The following HCRTR2 variants were observed in gnomAD, a reference collection of about 807,000 sequenced individuals.
HCRTR2 encodes orexin receptor type 2.
A neutral mutation model predicts 49.0 loss-of-function variants in HCRTR2; 22 were observed. The observed-to-expected ratio is 0.45, with a 90% CI of 0.32 to 0.64. The LOEUF is 0.64. Ranked by LOEUF, HCRTR2 falls within the 30% of genes least tolerant of loss-of-function variation. The probability of loss-of-function intolerance (pLI) is 0.04; values close to 1 mark genes in which losing one functional copy is unlikely to be tolerated. For synonymous variants in HCRTR2, 236 were observed against 205.3 expected (o/e 1.15, Z -1.28); for missense variants, 491 against 559.4 (o/e 0.88, Z 1.23).
chr6:55,195,594 A>AAC (rs1765394739), intron 1 of HCRTR2, among the ~76,000 whole-genome samples: 2 of 152,212 alleles, frequency 1.3e-5, no homozygotes, highest in Non-Finnish European at 2.9e-5. Flanking sequence ...GAATGTTGCT[A>AAC]ACACAAAGAA....
At chr6:55,197,471 C>A (rs1386167168) in intron 1 of HCRTR2, among the ~76,000 whole-genome samples, 1 of 152,172 alleles carries the variant, frequency 6.6e-6, no homozygotes, top group Non-Finnish European at 1.5e-5. Flanking sequence ...AACCCCAATT[C>A]TATCTGTAAT....
intron 1 of HCRTR2, among the ~76,000 whole-genome samples, chr6:55,223,691 G>T: frequency 6.6e-6 from 1 of 151,470 alleles, no homozygotes. Context: ...CCTCTATATG[G>T]CGGGCTATCA....
At chr6:55,188,058 A>G (rs1265267569) in intron 1 of HCRTR2, among the ~76,000 whole-genome samples, 1 of 152,220 alleles carries the variant, frequency 6.6e-6, no homozygotes, top group Non-Finnish European at 1.5e-5. Context: ...CTGGGATTAC[A>G]GGCATGAGCC....
intron 1 of HCRTR2, among the ~76,000 whole-genome samples, chr6:55,133,390 A>ACAC (rs1554167176): frequency 2.0e-5 from 3 of 150,706 alleles, no homozygotes; most frequent in African/African-American, 7.3e-5. Flanking sequence ...CACACAAAAA[A>ACAC]ACACACACAC....
At chr6:55,249,878 C>G (rs1186517954) in intron 2 of HCRTR2, among the ~76,000 whole-genome samples, 1 of 151,974 alleles carries the variant, frequency 6.6e-6, no homozygotes, top group Non-Finnish European at 1.5e-5. Flanking sequence ...TTTCCTGCAC[C>G]CTCAGTTTTT....
chr6:55,140,096 T>C (rs1458308459), intron 1 of HCRTR2, among the ~76,000 whole-genome samples: 1 of 152,162 alleles, frequency 6.6e-6, no homozygotes, highest in African/African-American at 2.4e-5. Context: ...CCCTGACCTC[T>C]TATTGAGACC....
chr6:55,271,758 G>C (rs1581870224), intron 4 of HCRTR2, among the ~76,000 whole-genome samples: 1 of 151,972 alleles, frequency 6.6e-6, no homozygotes, highest in Non-Finnish European at 1.5e-5. Flanking sequence ...TGGTCAATAA[G>C]CACATAAGAA....
chr6:55,222,195 C>T (rs74761809), intron 1 of HCRTR2, among the ~76,000 whole-genome samples: 3,306 of 151,804 alleles, frequency 0.022, 68 homozygotes, highest in Middle Eastern at 0.071. Flanking sequence ...CCAACAGATA[C>T]ATGAAGAGTG....
At chr6:55,125,138 A>G (rs56087492) in intron 1 of HCRTR2, among the ~76,000 whole-genome samples, 42,709 of 152,040 alleles carry the variant, frequency 0.28, 6,732 homozygotes, top group Non-Finnish European at 0.36. Context: ...GTTATGTGTG[A>G]ATTTGATACT....
intron 4 of HCRTR2, among the ~76,000 whole-genome samples, chr6:55,276,560 T>C (rs1394539007): frequency 6.6e-6 from 1 of 152,204 alleles, no homozygotes; most frequent in Non-Finnish European, 1.5e-5. Flanking sequence ...ATGCTGAATT[T>C]TATTGTTCTG....
intron 1 of HCRTR2, among the ~76,000 whole-genome samples, chr6:55,122,274 A>G (rs1246173856): frequency 3.3e-5 from 5 of 152,050 alleles, no homozygotes; most frequent in Non-Finnish European, 7.4e-5. Flanking sequence ...GTGTTCTCTG[A>G]TGGTAGTTTG....
chr6:55,217,756 G>C (rs898764004), intron 1 of HCRTR2, among the ~76,000 whole-genome samples: 1 of 152,150 alleles, frequency 6.6e-6, no homozygotes, highest in Non-Finnish European at 1.5e-5. Context: ...TTCACCAGAA[G>C]CACCCTTAAC....
At chr6:55,183,935 CTT>C (rs557931425) in intron 1 of HCRTR2, among the ~76,000 whole-genome samples, 1 of 148,658 alleles carries the variant, frequency 6.7e-6, no homozygotes, top group Admixed American at 6.7e-5. Flanking sequence ...TTTCTTTTTA[CTT>C]TTTTTTTTGA....
rs114547685 is a variant in HCRTR2, at chr6:55,188,554, T to C, written c.223+13744T>C. Among the ~76,000 whole-genome samples the C allele has an allele frequency of 3.6e-3, 555 of 152,284 alleles. 6 individuals are homozygous for C. Among genetic ancestry groups the C allele is most frequent in the African/African-American group, 0.013 (525 of 41,580 alleles). On this transcript the variant is annotated intron_variant, in intron 1 of 6. Coordinates refer to ENST00000370862, the MANE Select transcript of HCRTR2 (RefSeq NM_001384272.1). ...AAAAGGTACACAGAAAAATAAAGCA[T>C]CCTGAACCAACGCACTGACTTTCTA...
chr6:55,183,013 G>A (rs1384496785), intron 1 of HCRTR2, among the ~76,000 whole-genome samples: 3 of 152,192 alleles, frequency 2.0e-5, no homozygotes, highest in Admixed American at 6.5e-5. Context: ...ATATCGTTGC[G>A]ATTTGGGTCT....
intron 4 of HCRTR2, among the ~76,000 whole-genome samples, chr6:55,266,624 T>C (rs1766865184): frequency 6.8e-6 from 1 of 147,632 alleles, no homozygotes; most frequent in Admixed American, 6.7e-5. Flanking sequence ...GTGCATTGTA[T>C]AAAAGGTATG....
At chr6:55,238,505 A>G (rs536380439) in intron 1 of HCRTR2, among the ~76,000 whole-genome samples, 2 of 152,252 alleles carry the variant, frequency 1.3e-5, no homozygotes, top group East Asian at 3.9e-4. Flanking sequence ...TAATTTTCCA[A>G]TTCTCCATAG....
intron 1 of HCRTR2, among the ~76,000 whole-genome samples, chr6:55,155,597 A>C (rs1010664943): frequency 2.0e-5 from 3 of 152,010 alleles, no homozygotes; most frequent in African/African-American, 7.2e-5. Context: ...TTTCAGAAAC[A>C]CTTCTCTGAA....
chr6:55,281,567 TAA>T (rs1767191228), intron 6 of HCRTR2, among the ~76,000 whole-genome samples: 1 of 152,204 alleles, frequency 6.6e-6, no homozygotes, highest in African/African-American at 2.4e-5. Context: ...TAGCTGAGGC[TAA>T]GAGAGAAGAA....
Sources: allele counts gnomAD v4.1 joint callset (sites outside exome capture counted in the v4.1 genomes callset), GRCh38; gene constraint gnomAD v4.1.1; transcripts MANE v1.5; gene names NCBI Gene and HGNC (gene_info 2026-07-23, HGNC 2026-07-21).